Variants in DYNLRB2 observed in about 807,000 individuals in gnomAD.
DYNLRB2 encodes the protein dynein light chain roadblock-type 2.
In DYNLRB2, 14 loss-of-function variants were observed where a neutral mutation model predicts 12.6. The observed-to-expected ratio is 1.11, with a 90% CI of 0.73 to 1.73. The LOEUF is 1.73. DYNLRB2 is among the 40% of genes most tolerant of loss of function. The pLI is 0.00. For synonymous variants in DYNLRB2, 53 were observed against 37.0 expected (o/e 1.43, Z -1.57); for missense variants, 142 against 117.7 (o/e 1.21, Z -0.95).
Position 80,550,502 on chromosome 16 carries a change from C to T in DYNLRB2, c.248-13C>T. Reference sequence around the variant, plus strand: ...AAATTAAGGGTGAATTGATTTTATCCATCTCTCCATAGATAAGGAATATCT... The same window carrying T: ...AAATTAAGGGTGAATTGATTTTATCTATCTCTCCATAGATAAGGAATATCT... On this transcript the variant is annotated splice_polypyrimidine_tract_variant and intron_variant, in intron 3 of 3. Coordinates refer to ENST00000305904, the MANE Select transcript of DYNLRB2 (RefSeq NM_130897.3). The T allele has an allele frequency of 6.2e-7, 1 of 1,613,812 alleles. No homozygotes were observed. The highest frequency in any genetic ancestry group is 8.5e-7 in the Non-Finnish European group (1 of 1,179,806).
rs1461792811 is a variant in DYNLRB2 at position 80,549,522 on chromosome 16, G to A, written c.118G>A (p.Val40Ile). The stretch of plus-strand genomic sequence containing the variant: ...AACAACCTTGGACAACTCAACAACT[G>A]TTCAATATGCAGGCCTTCTTCATCA... Reference protein sequence around the residue: ...IRTTLDNSTTVQYAGLLHHLT... With the variant: ...IRTTLDNSTTIQYAGLLHHLT... The change falls in exon 3 of 4, where the codon GTT becomes ATT. Residue 40 changes from valine to isoleucine, a missense_variant. Physicochemically the swap from Val to Ile is conservative, Grantham distance 29. Transcript: ENST00000305904. The A allele has an allele frequency of 6.2e-7, 1 of 1,612,806 alleles. No homozygotes were observed. Among genetic ancestry groups the A allele is most frequent in the Non-Finnish European group, 8.5e-7 (1 of 1,179,164 alleles).
intron 1 of DYNLRB2, among the ~76,000 whole-genome samples, chr16:80,542,101 T>C (rs1350929966): frequency 1.3e-5 from 2 of 152,190 alleles, no homozygotes; most frequent in Admixed American, 1.3e-4. Context: ...AGAGCAGGCC[T>C]CAGGCTCAGA....
chr16:80,543,161 C>A, intron 1 of DYNLRB2, 115 bp from the exon 2 acceptor site: 1 of 1,020,922 alleles, frequency 9.8e-7, no homozygotes, highest in Non-Finnish European at 1.4e-6. Flanking sequence ...ATTATCACAC[C>A]TGGCACCTTA....
At chr16:80,549,229 C>A in intron 2 of DYNLRB2, 1 of 412,322 alleles carries the variant, frequency 2.4e-6, no homozygotes, top group Admixed American at 3.7e-5. Context: ...TCAACAAGGA[C>A]AACTTGTATG....
chr16:80,550,232 A>C (rs745437253), intron 3 of DYNLRB2, among the ~76,000 whole-genome samples: 2 of 152,222 alleles, frequency 1.3e-5, no homozygotes, highest in Non-Finnish European at 1.5e-5. Context: ...TTCCTACACC[A>C]GTGTCCTCAC....
At chr16:80,546,479 A>G (rs934771746) in intron 2 of DYNLRB2, among the ~76,000 whole-genome samples, 7 of 152,238 alleles carry the variant, frequency 4.6e-5, no homozygotes, top group African/African-American at 1.7e-4. Context: ...TTTTATATAT[A>G]GTCCTTCGGT....
At chr16:80,542,185 CTATT>C (rs1292025905) in intron 1 of DYNLRB2, among the ~76,000 whole-genome samples, 1 of 152,126 alleles carries the variant, frequency 6.6e-6, no homozygotes, top group Admixed American at 6.5e-5. Context: ...ACAGTTATTT[CTATT>C]TATGAGGAAT....
At chr16:80,542,941 A>G (rs1904301860) in intron 1 of DYNLRB2, among the ~76,000 whole-genome samples, 1 of 152,260 alleles carries the variant, frequency 6.6e-6, no homozygotes, top group Non-Finnish European at 1.5e-5. Flanking sequence ...TGAATGAAAG[A>G]TAATCTGGGA....
At chr16:80,547,821 A>G in intron 2 of DYNLRB2, 1 of 456,694 alleles carries the variant, frequency 2.2e-6, no homozygotes, top group Non-Finnish European at 4.4e-6. Context: ...AAAAGTGGCC[A>G]ACAAATCACA....
Position 80,549,654 on chromosome 16 carries a change from A to T in DYNLRB2, c.247+3A>T. 1 of 1,579,704 alleles carries T rather than the reference A, an allele frequency of 6.3e-7. No homozygotes were observed. The highest frequency in any genetic ancestry group is 8.6e-7 in the Non-Finnish European group (1 of 1,156,600). On this transcript the variant is annotated splice_donor_region_variant and intron_variant, in intron 3 of 3. Coordinates refer to ENST00000305904, the MANE Select transcript of DYNLRB2 (RefSeq NM_130897.3). ...ACATGAAATCATGGTAGCTCCAGGT[A>T]ATTTGGCATTTCATTTCCTAGTTAA...
chr16:80,542,255 AT>A (rs1175005732), intron 1 of DYNLRB2, among the ~76,000 whole-genome samples: 1 of 152,192 alleles, frequency 6.6e-6, no homozygotes, highest in Non-Finnish European at 1.5e-5. Flanking sequence ...AAATGCATTT[AT>A]TTAAGCTTTT....
intron 2 of DYNLRB2, among the ~76,000 whole-genome samples, chr16:80,544,278 C>T (rs989136901): frequency 1.3e-5 from 2 of 152,168 alleles, no homozygotes; most frequent in African/African-American, 2.4e-5. Context: ...TTGTTGAGTG[C>T]TTGGCATAAT....
chr16:80,548,540 G>A (rs1048525668), intron 2 of DYNLRB2, among the ~76,000 whole-genome samples: 2 of 152,192 alleles, frequency 1.3e-5, no homozygotes, highest in East Asian at 3.9e-4. Flanking sequence ...TAACCAACAT[G>A]GTGAAACCCT....
At chr16:80,549,299 A>G (rs1904686037) in intron 2 of DYNLRB2, 185 bp from the exon 3 acceptor site, 2 of 568,312 alleles carry the variant, frequency 3.5e-6, no homozygotes, top group East Asian at 5.9e-5. Flanking sequence ...TCACACAACT[A>G]TACTTAAAAA....
intron 2 of DYNLRB2, among the ~76,000 whole-genome samples, chr16:80,545,176 A>C (rs1179121157): frequency 2.0e-5 from 3 of 152,172 alleles, no homozygotes; most frequent in Non-Finnish European, 4.4e-5. Flanking sequence ...CAAAGGTCTG[A>C]AAAATATTCA....
At chr16:80,543,424 A>T in intron 2 of DYNLRB2, 73 bp downstream of exon 2, 1 of 1,405,330 alleles carries the variant, frequency 7.1e-7, no homozygotes, top group South Asian at 1.2e-5. Flanking sequence ...TTAGTCCTTA[A>T]GACAAACATC....
At chr16:80,541,298 C>A in intron 1 of DYNLRB2, 1 of 970,358 alleles carries the variant, frequency 1.0e-6, no homozygotes, top group Non-Finnish European at 1.2e-6. Flanking sequence ...ATTGATTTCG[C>A]GGGGATGGTA....
chr16:80,541,360 G>C, intron 1 of DYNLRB2: 2 of 984,450 alleles, frequency 2.0e-6, no homozygotes, highest in Non-Finnish European at 2.4e-6. Context: ...AGAGGATGAA[G>C]AATGCTCAGG....
At chr16:80,547,314 TC>T (rs1422837354) in intron 2 of DYNLRB2, among the ~76,000 whole-genome samples, 8 of 152,176 alleles carry the variant, frequency 5.3e-5, no homozygotes, top group African/African-American at 1.9e-4. Context: ...CTAGAAGGCT[TC>T]TAAGAAACCA....
Sources: allele counts gnomAD v4.1 joint callset (sites outside exome capture counted in the v4.1 genomes callset), GRCh38; gene constraint gnomAD v4.1.1; transcripts MANE v1.5; gene names NCBI Gene and HGNC (gene_info 2026-07-23, HGNC 2026-07-21).